Variants in PVT1 observed in about 807,000 individuals in gnomAD.
PVT1 encodes the protein Pvt1 oncogene.
At chr8:127,827,949 G>A (rs542480665) in intron 2 of PVT1, among the ~76,000 whole-genome samples, 51 of 152,266 alleles carry the variant, frequency 3.3e-4, no homozygotes, top group Non-Finnish European at 5.7e-4. Flanking sequence ...GCTCTTTGGA[G>A]GGCATCTAGT....
intron 4 of PVT1, among the ~76,000 whole-genome samples, chr8:127,991,759 T>C (rs1230693288): frequency 6.6e-6 from 1 of 152,162 alleles, no homozygotes; most frequent in Non-Finnish European, 1.5e-5. Context: ...AGGCAGTCTG[T>C]TCTATGACAG....
chr8:127,983,083 T>C (rs536252184), intron 3 of PVT1, among the ~76,000 whole-genome samples: 1 of 152,210 alleles, frequency 6.6e-6, no homozygotes, highest in South Asian at 2.1e-4. Context: ...GAAGGGCTGA[T>C]CTTGGGGCTG....
At chr8:128,002,387 G>A (rs551583616) in intron 4 of PVT1, among the ~76,000 whole-genome samples, 36 of 152,332 alleles carry the variant, frequency 2.4e-4, no homozygotes, top group African/African-American at 8.7e-4. Context: ...AGGATGTGCA[G>A]ATTGGTCAGG....
At chr8:127,833,101 C>T (rs1191567755) in intron 2 of PVT1, among the ~76,000 whole-genome samples, 1 of 152,162 alleles carries the variant, frequency 6.6e-6, no homozygotes, top group Non-Finnish European at 1.5e-5. Flanking sequence ...GTCTTGGCCA[C>T]TTGGGGCTCT....
chr8:128,004,356 G>T (rs1817221270), intron 4 of PVT1, among the ~76,000 whole-genome samples: 1 of 152,134 alleles, frequency 6.6e-6, no homozygotes, highest in African/African-American at 2.4e-5. Flanking sequence ...TTGGGTGGGG[G>T]AGAAGGGAGG....
chr8:127,859,361 CCTT>C (rs1364998513), intron 2 of PVT1, among the ~76,000 whole-genome samples: 1 of 152,066 alleles, frequency 6.6e-6, no homozygotes, highest in Non-Finnish European at 1.5e-5. Context: ...CCGGCCATGA[CCTT>C]CTATTGAGGA....
chr8:128,042,119 C>A (rs1287266843), intron 4 of PVT1, among the ~76,000 whole-genome samples: 1 of 152,140 alleles, frequency 6.6e-6, no homozygotes, highest in African/African-American at 2.4e-5. Context: ...AGTGTTGGTA[C>A]AAATAGTTTT....
intron 5 of PVT1, among the ~76,000 whole-genome samples, chr8:128,095,346 G>T (rs1814414127): frequency 6.6e-6 from 1 of 152,126 alleles, no homozygotes. Flanking sequence ...GAGGGAGCAG[G>T]GTTTTGTCTT....
chr8:128,070,664 C>G (rs1813974191), intron 5 of PVT1, among the ~76,000 whole-genome samples: 2 of 152,124 alleles, frequency 1.3e-5, no homozygotes, highest in Admixed American at 6.5e-5. Context: ...ACTGTGACTC[C>G]CTATCTTCTG....
chr8:127,878,448 C>T (rs1368838321), intron 2 of PVT1, among the ~76,000 whole-genome samples: 1 of 152,190 alleles, frequency 6.6e-6, no homozygotes, highest in Non-Finnish European at 1.5e-5. Flanking sequence ...CTTAAAGCTT[C>T]GCAGATTTGG....
intron 4 of PVT1, among the ~76,000 whole-genome samples, chr8:127,994,241 TG>T (rs1817078019): frequency 6.6e-6 from 1 of 152,198 alleles, no homozygotes; most frequent in African/African-American, 2.4e-5. Context: ...GTGCCTCTTG[TG>T]GGACGGGTTC....
chr8:128,084,584 A>C (rs1344666521), intron 5 of PVT1, among the ~76,000 whole-genome samples: 1 of 152,230 alleles, frequency 6.6e-6, no homozygotes, highest in African/African-American at 2.4e-5. Context: ...CGTTTTGTTC[A>C]TCAAGGAATC....
At chr8:127,860,658 G>A (rs761806199) in intron 2 of PVT1, among the ~76,000 whole-genome samples, 1 of 151,776 alleles carries the variant, frequency 6.6e-6, no homozygotes. Context: ...CCAGCTACTC[G>A]GAAGGCTGAG....
chr8:127,801,048 G>C (rs928241551), intron 2 of PVT1, among the ~76,000 whole-genome samples: 2 of 152,188 alleles, frequency 1.3e-5, no homozygotes, highest in Non-Finnish European at 2.9e-5. Context: ...AGCTAGGACA[G>C]AGGTGGAGGC....
chr8:127,806,106 C>CA (rs1318014605), intron 2 of PVT1, among the ~76,000 whole-genome samples: 1 of 152,008 alleles, frequency 6.6e-6, no homozygotes, highest in East Asian at 1.9e-4. Flanking sequence ...AAGTCAACAA[C>CA]AAAAAGACAA....
intron 4 of PVT1, among the ~76,000 whole-genome samples, chr8:128,063,385 G>A (rs560564382): frequency 6.6e-5 from 10 of 152,088 alleles, no homozygotes; most frequent in East Asian, 5.8e-4. Context: ...GGTGGAGGAC[G>A]CCTACAGTCC....
At chr8:127,925,437 A>G (rs985008932) in intron 3 of PVT1, among the ~76,000 whole-genome samples, 12 of 152,250 alleles carry the variant, frequency 7.9e-5, no homozygotes, top group Admixed American at 2.0e-4. Context: ...CTATTTTGGG[A>G]AAGATCTAGA....
chr8:128,091,171 G>A (rs1385084081), intron 5 of PVT1, among the ~76,000 whole-genome samples: 2 of 152,138 alleles, frequency 1.3e-5, no homozygotes, highest in African/African-American at 2.4e-5. Context: ...GTCCCTGGGG[G>A]CGATCACTCC....
intron 2 of PVT1, among the ~76,000 whole-genome samples, chr8:127,835,219 G>A (rs1434289150): frequency 6.6e-6 from 1 of 152,068 alleles, no homozygotes; most frequent in Non-Finnish European, 1.5e-5. Flanking sequence ...CTGATAGACT[G>A]GATAAAGAAA....
Sources: gnomAD v4.1 joint callset for allele counts (sites outside exome capture counted in the v4.1 genomes callset) on GRCh38, gnomAD v4.1.1 for gene constraint, MANE v1.5 for transcripts, NCBI Gene and HGNC (gene_info 2026-07-23, HGNC 2026-07-21) for gene names.